The following IGLL1 variants were observed in gnomAD, a reference collection of about 807,000 sequenced individuals.
The protein encoded by IGLL1 is immunoglobulin lambda like polypeptide 1.
In IGLL1, 10 loss-of-function variants were observed where a neutral mutation model predicts 10.5. That is an observed-to-expected ratio of 0.95 (90% CI 0.59 to 1.62). IGLL1 has a LOEUF of 1.62. IGLL1 is among the 40% of genes most tolerant of loss of function. IGLL1 has a pLI of 0.00. For missense variants in IGLL1, 284 were observed against 278.7 expected (o/e 1.02, Z -0.14); for synonymous variants, 141 against 122.7 (o/e 1.15, Z -0.99).
At chr22:23,576,848 T>C (rs1351040035) in intron 1 of IGLL1, among the ~76,000 whole-genome samples, 1 of 152,148 alleles carries the variant, frequency 6.6e-6, no homozygotes, top group Non-Finnish European at 1.5e-5. Context: ...TCTCCAGAAC[T>C]CTTTCATCTT....
intron 1 of IGLL1, among the ~76,000 whole-genome samples, chr22:23,577,024 C>G (rs1040232534): frequency 3.9e-5 from 6 of 152,232 alleles, no homozygotes; most frequent in Admixed American, 3.9e-4. Flanking sequence ...GCTTATTTCA[C>G]TAAGTATAAT....
chr22:23,578,741 G>A (rs1925184159), intron 1 of IGLL1, among the ~76,000 whole-genome samples: 1 of 152,100 alleles, frequency 6.6e-6, no homozygotes, highest in South Asian at 2.1e-4. Flanking sequence ...GATCACCTGA[G>A]GTCAGGAGTT....
At position 23,580,248 on chromosome 22, in the gene IGLL1, G is replaced by A; in HGVS notation, c.-58C>T. On this transcript the variant is annotated 5_prime_UTR_variant, in exon 1 of 3. Transcript: ENST00000330377. The stretch of plus-strand genomic sequence containing the variant: ...ACTTGCAGTGTGGGCTCCCTAGAGA[G>A]TGGTGCCCTGGTCCCTCTCGCTGGC... 1 of 1,533,284 alleles carries A rather than the reference G, an allele frequency of 6.5e-7. No homozygotes were observed. Among genetic ancestry groups the A allele is most frequent in the Non-Finnish European group, 8.7e-7 (1 of 1,145,770 alleles). 95.0% of individuals were successfully genotyped at this position (1,533,284 alleles called of 1,614,324 possible). A position where few individuals can be genotyped will look rare whatever the true frequency, so the allele number is the denominator to read the frequency against.
Position 23,573,214 on chromosome 22 carries a change from C to T in IGLL1, c.*52G>A. On this transcript the variant is annotated 3_prime_UTR_variant, in exon 3 of 3. Transcript: ENST00000330377. ...CTTGGGATGCAGAGAGAGACCCTTCCCCTGGGATCCTGCAGCTCCAGGCCC... is the reference window on the plus strand; with the variant it reads ...CTTGGGATGCAGAGAGAGACCCTTCTCCTGGGATCCTGCAGCTCCAGGCCC... 6.4e-7 allele frequency: 1 copy of T among 1,569,440 alleles called. No individual in the cohort carries two copies. The highest frequency in any genetic ancestry group is 8.8e-7 in the Non-Finnish European group (1 of 1,140,208).
rs11455488 is a variant in IGLL1 at position 23,576,360 on chromosome 22, CAAA to C, written c.207-1281_207-1279del. ...GCCTGGCAACAGAGCAAGACTGTCC[CAAA>C]AAAAAAAAAAAAAAAAAAGAAGTGT... On this transcript the variant is annotated intron_variant, in intron 1 of 2. Transcript: ENST00000330377. Among the ~76,000 whole-genome samples the C allele has an allele frequency of 5.7e-4, 38 of 67,118 alleles. 1 individual carries two copies. Among genetic ancestry groups the C allele is most frequent in the Admixed American group, 4.7e-3 (25 of 5,314 alleles). The allele number at this position is 67,118 out of a possible 152,430, so 44.0% of individuals were successfully genotyped here.
chr22:23,580,022 C>T lies in IGLL1; in HGVS notation c.169G>A (p.Gly57Arg), dbSNP rs1411223950. 3.8e-6 allele frequency: 6 copies of T among 1,580,400 alleles called. No individual in the cohort carries two copies. Among genetic ancestry groups the T allele is most frequent in the Non-Finnish European group, 5.1e-6 (6 of 1,166,942 alleles). The change falls in exon 1 of 3, where the codon GGA becomes AGA. Residue 57 changes from glycine (G) to arginine (R), a missense_variant. Transcript: ENST00000330377. ...SRALGPGAPG[G>R]SSRSSLRSRW... ...CTCCTCAGGCTGGACCGGCTGCTTCCTCCAGGGGCTCCAGGGCCCAGGGCC... is the reference window on the plus strand; with the variant it reads ...CTCCTCAGGCTGGACCGGCTGCTTCTTCCAGGGGCTCCAGGGCCCAGGGCC...
intron 1 of IGLL1, among the ~76,000 whole-genome samples, chr22:23,578,788 T>C (rs540658016): frequency 6.6e-6 from 1 of 151,722 alleles, no homozygotes; most frequent in South Asian, 2.1e-4. Flanking sequence ...AACTCTGTCT[T>C]TACTAAAAAA....
At chr22:23,575,222 CGT>C (rs903909326) in intron 1 of IGLL1, 140 bp from the exon 2 acceptor site, 15 of 747,450 alleles carry the variant, frequency 2.0e-5, no homozygotes, top group Non-Finnish European at 3.2e-5. Context: ...GCTGCCCCAG[CGT>C]GTGTCCCCCT....
intron 1 of IGLL1, among the ~76,000 whole-genome samples, chr22:23,577,829 G>A (rs1322282708): frequency 6.6e-6 from 1 of 151,594 alleles, no homozygotes; most frequent in Non-Finnish European, 1.5e-5. Context: ...CACTGCACCT[G>A]GCCCATAGTA....
chr22:23,574,746 G>C (rs890846096), intron 2 of IGLL1, among the ~76,000 whole-genome samples: 2 of 152,174 alleles, frequency 1.3e-5, no homozygotes, highest in Admixed American at 6.5e-5. Context: ...CCTGGGACCA[G>C]GCTGTGTCCT....
chr22:23,575,153 A>T, intron 1 of IGLL1, 71 bp from the exon 2 acceptor site: 4 of 1,052,888 alleles, frequency 3.8e-6, no homozygotes, highest in Non-Finnish European at 6.0e-6. Flanking sequence ...GGGGGTGGCC[A>T]GTGTCCCAGT....
Position 23,580,101 on chromosome 22 carries a change from AC to A in IGLL1, c.89del (p.Gly30ValfsTer5). ...GCAGGCCATGGGTTACCACGGCCAG[AC>A]CCAGCAGCAGCAGGGGCCAGCGCTG... ...LRQRWPLLLL[G>X]LAVVTHGLLR... is the part of the protein sequence containing the mutation. On this transcript the variant is annotated frameshift_variant, in exon 1 of 3. Coordinates refer to ENST00000330377, the MANE Select transcript of IGLL1 (RefSeq NM_020070.4). LOFTEE classifies it high-confidence loss of function. 1 of 1,570,488 alleles carries A rather than the reference AC, an allele frequency of 6.4e-7. No homozygotes were observed. The highest frequency in any genetic ancestry group is 1.7e-4 in the Middle Eastern group (1 of 5,800).
intron 1 of IGLL1, among the ~76,000 whole-genome samples, chr22:23,576,790 G>A (rs1159358590): frequency 2.6e-5 from 4 of 152,128 alleles, no homozygotes; most frequent in African/African-American, 7.2e-5. Flanking sequence ...GTACAGCTCC[G>A]TGGCACTAAG....
In IGLL1 at chr22:23,579,593, G is replaced by A. The variant is rs1172810199; in HGVS notation, c.206+392C>T. On this transcript the variant is annotated intron_variant, in intron 1 of 2. Transcript: ENST00000330377. ...ATAGGCCAAGGGGAAAAGAGGAGGG[G>A]GGGGAGGAGGAGTGGGAGGAGGAGG... Among the ~76,000 whole-genome samples the A allele has an allele frequency of 2.6e-5, 4 of 151,976 alleles. No homozygotes were observed. In the South Asian group the frequency reaches 8.3e-4, roughly 32 times the overall value.
chr22:23,579,874 C>T (rs1925250453), intron 1 of IGLL1, 111 bp downstream of exon 1: 1 of 816,612 alleles, frequency 1.2e-6, no homozygotes, highest in African/African-American at 1.7e-5. Flanking sequence ...CTGTGGCTCC[C>T]CTCCAGGGAT....
rs368312728 is a variant in IGLL1, at chr22:23,573,949, A to G, written c.323-364T>C. Among the ~76,000 whole-genome samples, 395 of 146,472 alleles carry G rather than the reference A, an allele frequency of 2.7e-3. 10 individuals carry two copies. Among genetic ancestry groups the G allele is most frequent in the Admixed American group, 6.7e-3 (99 of 14,868 alleles). ...CAGCACACAAAACTATACTGGCAGGATGTGGGGAGACCCAAGCCTGGCATG... is the reference window on the plus strand; with the variant it reads ...CAGCACACAAAACTATACTGGCAGGGTGTGGGGAGACCCAAGCCTGGCATG... On this transcript the variant is annotated intron_variant, in intron 2 of 2. Transcript: ENST00000330377.
chr22:23,576,360 CAAAAAAAAAAA>C (rs11455488), intron 1 of IGLL1, among the ~76,000 whole-genome samples: 1 of 67,122 alleles, frequency 1.5e-5, no homozygotes, highest in Admixed American at 1.9e-4. Context: ...AAGACTGTCC[CAAAAAAAAAAA>C]AAAAAAAAAA....
intron 1 of IGLL1, among the ~76,000 whole-genome samples, chr22:23,576,885 A>C (rs1298824762): frequency 6.6e-6 from 1 of 152,154 alleles, no homozygotes; most frequent in Non-Finnish European, 1.5e-5. Flanking sequence ...AAACCCGTTA[A>C]CTACAGTCCC....
In IGLL1 at chr22:23,574,960, C is replaced by T; in HGVS notation, c.322+7G>A. 6.3e-7 allele frequency: 1 copy of T among 1,588,966 alleles called. No homozygotes were observed. Among genetic ancestry groups the T allele is most frequent in the East Asian group, 2.2e-5 (1 of 44,794 alleles). ...GTGGGACAGCCTGGGAAGTTAGAGC[C>T]ACTTACTTAAAACGGTGAGCTGGGT... On this transcript the variant is annotated splice_region_variant and intron_variant, in intron 2 of 2. Coordinates refer to ENST00000330377, the MANE Select transcript of IGLL1 (RefSeq NM_020070.4).
Sources: gnomAD v4.1 joint callset for allele counts (sites outside exome capture counted in the v4.1 genomes callset) on GRCh38, gnomAD v4.1.1 for gene constraint, MANE v1.5 for transcripts, NCBI Gene and HGNC (gene_info 2026-07-23, HGNC 2026-07-21) for gene names.